Variants in LRTM3 observed in about 807,000 individuals in gnomAD.
LRTM3 encodes the protein leucine rich repeat transmembrane protein 3.
chr13:102,732,495 A>G, the LRTM3 span: 1 of 1,551,136 alleles, frequency 6.4e-7, no homozygotes. Context: ...AGAGGAACAT[A>G]TGAATAAAAT....
chr13:102,738,144 C>T, the LRTM3 span: 1 of 1,550,616 alleles, frequency 6.4e-7, no homozygotes, highest in Non-Finnish European at 8.7e-7. Flanking sequence ...AATGGTAGGT[C>T]CTGTGAAAGT....
At chr13:102,741,883 C>T in the LRTM3 span, 4 of 1,550,224 alleles carry the variant, frequency 2.6e-6, no homozygotes, top group Admixed American at 3.9e-5. Flanking sequence ...GTGAACTAAT[C>T]CTTAACGGTC....
the LRTM3 span, chr13:102,734,014 A>G: frequency 6.4e-7 from 1 of 1,551,462 alleles, no homozygotes; most frequent in Non-Finnish European, 8.7e-7. Context: ...CCAGATAAAG[A>G]GGAGGTGCTG....
the LRTM3 span, chr13:102,735,022 T>C: frequency 6.4e-7 from 1 of 1,551,054 alleles, no homozygotes; most frequent in African/African-American, 1.4e-5. Flanking sequence ...TTGTTAATAT[T>C]GGTATGCTTT....
chr13:102,749,813 G>C, the LRTM3 span: 1 of 1,551,342 alleles, frequency 6.4e-7, no homozygotes, highest in East Asian at 2.4e-5. Context: ...AGAATCCTGT[G>C]CTTGGACAGA....
At chr13:102,734,138 T>C in the LRTM3 span, 4 of 1,551,362 alleles carry the variant, frequency 2.6e-6, no homozygotes, top group Non-Finnish European at 3.5e-6. Flanking sequence ...ATTAAGGATA[T>C]GTGACATTGG....
chr13:102,742,719 T>C, the LRTM3 span: 2 of 1,550,738 alleles, frequency 1.3e-6, no homozygotes, highest in South Asian at 1.2e-5. Context: ...CCTTGGGGAC[T>C]TGACCTGTCA....
At chr13:102,746,577 G>C in the LRTM3 span, 1 of 1,550,934 alleles carries the variant, frequency 6.4e-7, no homozygotes, top group Non-Finnish European at 8.7e-7. Flanking sequence ...GAGATTGATG[G>C]CTTCACAGCC....
At chr13:102,743,025 T>C in the LRTM3 span, 401 of 1,548,478 alleles carry the variant, frequency 2.6e-4, 3 homozygotes, top group South Asian at 4.3e-3. Flanking sequence ...ATCTGACTTT[T>C]TGAGAAAAAA....
chr13:102,744,483 A>C, the LRTM3 span: 2 of 1,550,552 alleles, frequency 1.3e-6, no homozygotes, highest in Non-Finnish European at 1.7e-6. Context: ...CCTTCCATAC[A>C]TTTTATTCCT....
At chr13:102,758,651 A>T in the LRTM3 span, 1 of 1,513,388 alleles carries the variant, frequency 6.6e-7, no homozygotes, top group Non-Finnish European at 8.9e-7. Context: ...AATTATTCTT[A>T]TGTCTGATTT....
At chr13:102,744,078 T>A in the LRTM3 span, 3 of 1,550,606 alleles carry the variant, frequency 1.9e-6, no homozygotes, top group South Asian at 1.2e-5. Flanking sequence ...TCAGTGGCAC[T>A]GAGTAATGCC....
chr13:102,745,964 T>G, the LRTM3 span: 1 of 1,551,220 alleles, frequency 6.4e-7, no homozygotes, highest in African/African-American at 1.4e-5. Context: ...ATTATCCTTC[T>G]GATATGCATT....
chr13:102,751,610 A>T, the LRTM3 span, among the ~76,000 whole-genome samples: 1 of 152,174 alleles, frequency 6.6e-6, no homozygotes. Context: ...CAAAAACTGA[A>T]ATGCATATAA....
At chr13:102,734,199 T>C in the LRTM3 span, 1 of 1,551,454 alleles carries the variant, frequency 6.4e-7, no homozygotes, top group Non-Finnish European at 8.7e-7. Context: ...TCTATCGTTT[T>C]CACTTCATGC....
At chr13:102,729,633 C>T in the LRTM3 span, 13 of 1,548,826 alleles carry the variant, frequency 8.4e-6, no homozygotes, top group Non-Finnish European at 7.9e-6. Flanking sequence ...AGTGAGTCTG[C>T]CGGTACACAG....
chr13:102,730,121 C>T, the LRTM3 span: 2 of 1,550,116 alleles, frequency 1.3e-6, no homozygotes, highest in Admixed American at 3.9e-5. Flanking sequence ...GTGGGACTTA[C>T]AGGAAGGTGG....
the LRTM3 span, chr13:102,744,561 G>T: frequency 6.4e-7 from 1 of 1,550,478 alleles, no homozygotes; most frequent in Non-Finnish European, 8.7e-7. Flanking sequence ...TCTCTAAAGT[G>T]TGTTTCTTGC....
the LRTM3 span, chr13:102,729,382 T>C: frequency 1.7e-6 from 2 of 1,197,750 alleles, no homozygotes; most frequent in Non-Finnish European, 2.2e-6. Context: ...TGTTATATGA[T>C]TGTATTTTTC....
Sources: allele counts gnomAD v4.1 joint callset (sites outside exome capture counted in the v4.1 genomes callset), GRCh38; gene constraint gnomAD v4.1.1; transcripts MANE v1.5; gene names NCBI Gene and HGNC (gene_info 2026-07-23, HGNC 2026-07-21).